Variants in DNAH10 observed in about 807,000 individuals in gnomAD.
The protein encoded by DNAH10 is axonemal beta dynein heavy chain 10.
Under a neutral mutation model 506.6 loss-of-function variants are expected in DNAH10, and 348 were observed. That is an observed-to-expected ratio of 0.69 (90% CI 0.63 to 0.75). The LOEUF is 0.75. DNAH10 is among the 30% of genes least tolerant of loss of function. The pLI, the probability that DNAH10 is intolerant of heterozygous loss-of-function variation, is 0.00. For synonymous variants in DNAH10, 2,059 were observed against 2,198.6 expected (o/e 0.94, Z 1.78); for missense variants, 5,179 against 5,787.1 (o/e 0.89, Z 3.41).
At chr12:123,920,591 TATC>T (rs777154947) in intron 65 of DNAH10, among the ~76,000 whole-genome samples, 1 of 152,198 alleles carries the variant, frequency 6.6e-6, no homozygotes, top group Non-Finnish European at 1.5e-5. Flanking sequence ...ATAAGGCCAT[TATC>T]ATATCCCCAA....
chr12:123,929,942 C>T (rs969774026), intron 72 of DNAH10, 183 bp downstream of exon 72: 6 of 626,004 alleles, frequency 9.6e-6, no homozygotes, highest in Non-Finnish European at 1.7e-5. Context: ...GCTCTGTTCA[C>T]ATGGAGGTTC....
intron 33 of DNAH10, among the ~76,000 whole-genome samples, 198 bp from the exon 34 acceptor site, chr12:123,848,532 A>G (rs1444009152): frequency 2.6e-5 from 4 of 152,200 alleles, no homozygotes; most frequent in Non-Finnish European, 5.9e-5. Flanking sequence ...GATTTGTAAA[A>G]TCCCAAGTAG....
rs1027088244 is a variant in DNAH10, at chr12:123,919,057, T to C, written c.11506+108T>C. 1.6e-5 allele frequency: 21 copies of C among 1,346,468 alleles called. No homozygotes were observed. Among genetic ancestry groups the C allele is most frequent in the Middle Eastern group, 2.7e-4 (1 of 3,742 alleles). 83.4% of individuals were successfully genotyped at this position (1,346,468 alleles called of 1,614,324 possible). A position where few individuals can be genotyped will look rare whatever the true frequency, so the allele number is the denominator to read the frequency against. ...TGGAAAGTTACCAAATAGCATTTTTTCTTTTTTCTTTCTTTCTTTCTTTTT... is the reference window on the plus strand; with the variant it reads ...TGGAAAGTTACCAAATAGCATTTTTCCTTTTTTCTTTCTTTCTTTCTTTTT... On this transcript the variant is annotated intron_variant, in intron 65 of 78. Coordinates refer to ENST00000673944, the MANE Select transcript of DNAH10 (RefSeq NM_001372106.1). The surrounding 1 kb of genome is among the most constrained non-coding windows in gnomAD (Gnocchi z 4.9).
intron 19 of DNAH10, 129 bp downstream of exon 19, chr12:123,809,082 A>G (rs886893876): frequency 1.2e-5 from 13 of 1,123,758 alleles, no homozygotes; most frequent in Non-Finnish European, 1.7e-5. Context: ...CTTGTGACTC[A>G]GTCATCCCCC....
rs767910055 is a variant in DNAH10 at position 123,925,137 on chromosome 12, C to T, written c.11854C>T (p.Arg3952Cys). 16 of 1,613,860 alleles carry T rather than the reference C, an allele frequency of 9.9e-6. No individual in the cohort carries two copies. Among genetic ancestry groups the T allele is most frequent in the Middle Eastern group, 1.6e-4 (1 of 6,084 alleles). Residue 3952 changes from arginine to cysteine, a missense_variant, in exon 68 of 79, where the codon CGC becomes TGC. Around this residue, in one of 3 missense-constraint regions of DNAH10, gnomAD observed 4,844 missense variants for 5,430.5 expected, o/e 0.89. Transcript: ENST00000673944. This position sits in a 1 kb window ranked among gnomAD's most constrained non-coding sequence, Gnocchi z 4.0. ...CCCTTTCCAGAAGTTGCTTATTTTG[C>T]GCTGTTTCCGTGTGGATCGGGTCTA... Reference protein sequence around the residue: ...ITPFQKLLILRCFRVDRVYRA... With the variant: ...ITPFQKLLILCCFRVDRVYRA...
In DNAH10 at chr12:123,929,288, C is replaced by T. The variant is rs1185693006; in HGVS notation, c.12320C>T (p.Pro4107Leu). 1 of 1,595,778 alleles carries T rather than the reference C, an allele frequency of 6.3e-7. No individual in the cohort carries two copies. The highest frequency in any genetic ancestry group is 8.5e-7 in the Non-Finnish European group (1 of 1,171,228). Residue 4107 changes from proline (P) to leucine (L), a missense_variant, in exon 71 of 79, where the codon CCA becomes CTA. This residue lies in a region of DNAH10 where 4,844 missense variants were observed against 5,430.5 expected (regional missense o/e 0.89). Transcript: ENST00000673944. ...LQKSLKVVTE[P>L]PNGLKLNMRA... Reference sequence around the variant, plus strand: ...TCTCTTCTGAAGGTTGTCACCGAGCCACCCAATGGGCTGAAACTCAACATG... The same window carrying T: ...TCTCTTCTGAAGGTTGTCACCGAGCTACCCAATGGGCTGAAACTCAACATG...
rs999337548 is a variant in DNAH10 at position 123,928,518 on chromosome 12, C to T, written c.12237C>T (p.Asp4079=). 1 of 1,611,468 alleles carries T rather than the reference C, an allele frequency of 6.2e-7. No individual in the cohort carries two copies. The part of the protein sequence containing the change: ...SLERITKPHP[D]FRLWLTTDPT... ...AGAGGATCACCAAGCCCCACCCAGACTTCCGCCTGTGGCTCACCACGGACC... is the reference window on the plus strand; with the variant it reads ...AGAGGATCACCAAGCCCCACCCAGATTTCCGCCTGTGGCTCACCACGGACC... The change falls in exon 70 of 79, where the codon GAC becomes GAT. Residue 4079 remains aspartate, a synonymous_variant. Coordinates refer to ENST00000673944, the MANE Select transcript of DNAH10 (RefSeq NM_001372106.1). The surrounding 1 kb of genome is among the most constrained non-coding windows in gnomAD (Gnocchi z 4.9).
chr12:123,833,146 T>C lies in DNAH10; in HGVS notation c.4578T>C (p.Asn1526=), dbSNP rs1960757825. ...AVKEILDTWE[N]MKFTVVKYCK... is the part of the protein sequence containing the mutation. ...AGGAAATCCTAGACACGTGGGAAAA[T>C]ATGAAATTCACTGTAGTCAAGTATT... The change falls in exon 27 of 79, where the codon AAT becomes AAC. Residue 1526 remains asparagine, a synonymous_variant. Transcript: ENST00000673944. The C allele has an allele frequency of 6.2e-7, 1 of 1,613,178 alleles. No homozygotes were observed. The highest frequency in any genetic ancestry group is 8.5e-7 in the Non-Finnish European group (1 of 1,179,632).
intron 54 of DNAH10, among the ~76,000 whole-genome samples, chr12:123,895,028 A>G (rs1953156741): frequency 6.6e-6 from 1 of 152,174 alleles, no homozygotes; most frequent in Non-Finnish European, 1.5e-5. Flanking sequence ...ATAAAGTTTT[A>G]TTGGTACACA....
chr12:123,799,359 C>T lies in DNAH10; in HGVS notation c.2277C>T (p.Ser759=), dbSNP rs759608306. ...EQVLPALMKK[S]LLTKSSIATE... is the part of the protein sequence containing the mutation. ...TGCTGCCAGCTCTCATGAAGAAGAG[C>T]CTTTTGACCAAGGTGCGCTGCCCAC... Residue 759 remains serine, a synonymous_variant, in exon 14 of 79, where the codon AGC becomes AGT. Transcript: ENST00000673944. The T allele has an allele frequency of 1.9e-6, 3 of 1,611,576 alleles. No homozygotes were observed. Among genetic ancestry groups the T allele is most frequent in the South Asian group, 1.1e-5 (1 of 90,806 alleles).
intron 36 of DNAH10, among the ~76,000 whole-genome samples, chr12:123,856,752 T>C (rs1012306497): frequency 6.8e-6 from 1 of 147,656 alleles, no homozygotes; most frequent in Non-Finnish European, 1.5e-5. Flanking sequence ...TATTTACATA[T>C]TAATATAAAA....
At chr12:123,808,996 A>G (rs773016580) in intron 19 of DNAH10, 43 bp downstream of exon 19, 37 of 1,601,286 alleles carry the variant, frequency 2.3e-5, no homozygotes, top group Non-Finnish European at 2.9e-5. Flanking sequence ...ACGGCATCTC[A>G]GGATGCCTCC....
At chr12:123,814,077 G>A in intron 21 of DNAH10, 165 bp downstream of exon 21, 1 of 619,858 alleles carries the variant, frequency 1.6e-6, no homozygotes, top group Non-Finnish European at 2.6e-6. Flanking sequence ...TTAGAATAAT[G>A]AAAATATAGA....
At chr12:123,813,106 G>C in intron 19 of DNAH10, 58 bp from the exon 20 acceptor site, 2 of 1,337,000 alleles carry the variant, frequency 1.5e-6, no homozygotes, top group Admixed American at 2.1e-5. Context: ...TAATATGTAC[G>C]TTGGAGGCAA....
rs199623932 is a variant in DNAH10 at position 123,879,782 on chromosome 12, C to T, written c.8615C>T (p.Ala2872Val). 141 of 1,613,952 alleles carry T rather than the reference C, an allele frequency of 8.7e-5. No homozygotes were observed. Among genetic ancestry groups the T allele is most frequent in the African/African-American group, 2.4e-4 (18 of 75,048 alleles). ...TATGAAGACATCCAGGACTACGAGG[C>T]GGCCAAGGCTCTGTTCCAGGTGGGG... is the stretch of plus-strand genomic sequence containing the variant. ...RIYEDIQDYE[A>V]AKALFQEILE... Residue 2872 changes from alanine to valine, a missense_variant, in exon 50 of 79, where the codon GCG (alanine) becomes GTG (valine). Coordinates refer to ENST00000673944, the MANE Select transcript of DNAH10 (RefSeq NM_001372106.1).
chr12:123,913,019 G>A lies in DNAH10; in HGVS notation c.10135-79G>A. The A allele has an allele frequency of 7.3e-7, 1 of 1,360,760 alleles. No individual in the cohort carries two copies. The highest frequency in any genetic ancestry group is 1.0e-6 in the Non-Finnish European group (1 of 988,854). The allele number at this position is 1,360,760 out of a possible 1,614,324, so 84.3% of individuals were successfully genotyped here. A position where few individuals can be genotyped will look rare whatever the true frequency, so the allele number is the denominator to read the frequency against. ...GACACCATTAGAGCAGTTTAGACAT[G>A]TGGCCTGGTTTGAGGCCATGGGATC... On this transcript the variant is annotated intron_variant, in intron 59 of 78. Coordinates refer to ENST00000673944, the MANE Select transcript of DNAH10 (RefSeq NM_001372106.1). This position sits in a 1 kb window ranked among gnomAD's most constrained non-coding sequence, Gnocchi z 5.1.
intron 52 of DNAH10, among the ~76,000 whole-genome samples, chr12:123,892,682 CA>C (rs1248504519): frequency 6.6e-6 from 1 of 152,192 alleles, no homozygotes; most frequent in Non-Finnish European, 1.5e-5. Context: ...AAATGTATTG[CA>C]TAATTTGAAA....
rs1286512439 is a variant in DNAH10, at chr12:123,926,118, C to G, written c.11922-519C>G. The G allele has an allele frequency of 6.6e-6, 1 of 151,498 alleles. No homozygotes were observed. Among genetic ancestry groups the G allele is most frequent in the Non-Finnish European group, 1.5e-5 (1 of 68,122 alleles). 9.4% of individuals were successfully genotyped at this position (151,498 alleles called of 1,614,324 possible). A position where few individuals can be genotyped will look rare whatever the true frequency, so the allele number is the denominator to read the frequency against. On this transcript the variant is annotated intron_variant, in intron 68 of 78. Transcript: ENST00000673944. The surrounding 1 kb of genome is among the most constrained non-coding windows in gnomAD (Gnocchi z 4.1). ...GTGGTGGTGCACACCTGTAGTCAAG[C>G]TACTAAGGAAGCTGAGGTGGGAGGA...
chr12:123,857,216 A>G lies in DNAH10; in HGVS notation c.6599A>G (p.Glu2200Gly). Residue 2200 changes from glutamate to glycine, a missense_variant, in exon 37 of 79, where the codon GAG becomes GGG. By Grantham distance (98) the Glu-to-Gly change is moderately conservative. This residue lies in a region of DNAH10 where 4,844 missense variants were observed against 5,430.5 expected (regional missense o/e 0.89). Coordinates refer to ENST00000673944, the MANE Select transcript of DNAH10 (RefSeq NM_001372106.1). ...DFNDAVEQVL[E>G]ENGYAVLPIQ... ...AACGATGCGGTAGAGCAGGTCCTGG[A>G]GGAGAACGGCTACGCGGTCCTACCC... 1 of 1,594,210 alleles carries G rather than the reference A, an allele frequency of 6.3e-7. No homozygotes were observed. The highest frequency in any genetic ancestry group is 8.5e-7 in the Non-Finnish European group (1 of 1,169,672).
Sources: gnomAD v4.1 joint callset for allele counts (sites outside exome capture counted in the v4.1 genomes callset) on GRCh38, gnomAD v4.1.1 for gene constraint, gnomAD v4.1.1 regional missense constraint, Gnocchi (gnomAD v3.1) non-coding constraint, MANE v1.5 for transcripts, NCBI Gene and HGNC (gene_info 2026-07-23, HGNC 2026-07-21) for gene names.